SDK1: variants seen among roughly 807,000 people sequenced by gnomAD.
SDK1 encodes protein sidekick-1.
A neutral mutation model predicts 245.5 loss-of-function variants in SDK1; 157 were observed. The observed-to-expected ratio is 0.64, with a 90% confidence interval of 0.56 to 0.73. The LOEUF (loss-of-function observed/expected upper bound fraction) is 0.73. SDK1 is among the 30% of genes least tolerant of loss of function. SDK1 has a pLI of 0.00. For synonymous variants in SDK1, 1,647 were observed against 1,278.5 expected (o/e 1.29, Z -6.15); for missense variants, 3,583 against 3,002.3 (o/e 1.19, Z -4.52).
chr7:3,483,508 G>T (rs1019620388), intron 1 of SDK1, among the ~76,000 whole-genome samples: 2 of 152,028 alleles, frequency 1.3e-5, no homozygotes, highest in African/African-American at 4.8e-5. Context: ...TTTGTAAATT[G>T]TGATAATCAT....
chr7:3,353,844 A>C (rs1454077224), intron 1 of SDK1, among the ~76,000 whole-genome samples: 2 of 152,034 alleles, frequency 1.3e-5, no homozygotes, highest in African/African-American at 4.8e-5. Flanking sequence ...CGTGTCCTGC[A>C]TGTCAGTTTC....
In SDK1 at chr7:3,408,566, ATTTGT is replaced by A. The variant is rs561621445; in HGVS notation, c.298+106689_298+106693del. ...AATATTTAATACATGTGAGTATCTCATTTGTTTTGTTATTCAAGGGGATTTTAGCT... is the reference window on the plus strand; with the variant it reads ...AATATTTAATACATGTGAGTATCTCATTTGTTATTCAAGGGGATTTTAGCT... On this transcript the variant is annotated intron_variant, in intron 1 of 44. Transcript: ENST00000404826. Among the ~76,000 whole-genome samples the A allele has an allele frequency of 1.8e-4, 28 of 152,202 alleles. 1 individual carries two copies. In the South Asian group the frequency reaches 5.2e-3, roughly 28 times the overall value.
intron 1 of SDK1, among the ~76,000 whole-genome samples, chr7:3,554,606 A>G (rs1165900176): frequency 6.6e-6 from 1 of 152,250 alleles, no homozygotes; most frequent in East Asian, 1.9e-4. Context: ...GAATCAGGTG[A>G]GCAATCACAG....
At chr7:3,744,398 G>T (rs1779558865) in intron 4 of SDK1, among the ~76,000 whole-genome samples, 1 of 152,082 alleles carries the variant, frequency 6.6e-6, no homozygotes, top group African/African-American at 2.4e-5. Flanking sequence ...TTTGGGCACA[G>T]ACTTCATCTG....
intron 1 of SDK1, among the ~76,000 whole-genome samples, chr7:3,592,692 C>T (rs1212007870): frequency 1.3e-5 from 2 of 152,126 alleles, no homozygotes; most frequent in African/African-American, 4.8e-5. Flanking sequence ...GCTGATGAAG[C>T]GTGGGGACTC....
At chr7:4,236,890 A>T (rs1289021190) in intron 41 of SDK1, among the ~76,000 whole-genome samples, 1 of 152,110 alleles carries the variant, frequency 6.6e-6, no homozygotes, top group Admixed American at 6.5e-5. Flanking sequence ...TTTAACCCAC[A>T]CAACGTTTTT....
chr7:3,982,852 A>G (rs990666301), intron 13 of SDK1, among the ~76,000 whole-genome samples: 2 of 152,154 alleles, frequency 1.3e-5, no homozygotes, highest in African/African-American at 4.8e-5. Flanking sequence ...AAAAAAAAAA[A>G]AGAATGTTTG....
intron 1 of SDK1, among the ~76,000 whole-genome samples, chr7:3,518,819 C>G (rs1782834458): frequency 6.6e-6 from 1 of 152,116 alleles, no homozygotes; most frequent in South Asian, 2.1e-4. Context: ...GAAAGGAAAT[C>G]AGTTTATCAA....
At chr7:4,106,992 A>G in intron 22 of SDK1, among the ~76,000 whole-genome samples, 1 of 151,912 alleles carries the variant, frequency 6.6e-6, no homozygotes, top group Non-Finnish European at 1.5e-5. Flanking sequence ...GACTGAATCC[A>G]TACATGCCGA....
chr7:3,855,583 A>G (rs749439478), intron 5 of SDK1, among the ~76,000 whole-genome samples: 6 of 148,114 alleles, frequency 4.1e-5, no homozygotes, highest in Admixed American at 1.3e-4. Flanking sequence ...GTTAATGGAC[A>G]TAGAAGATAG....
At chr7:3,977,712 G>A (rs528253576) in intron 13 of SDK1, among the ~76,000 whole-genome samples, 2 of 152,358 alleles carry the variant, frequency 1.3e-5, no homozygotes, top group East Asian at 3.9e-4. Context: ...CACTGATCAC[G>A]CTGCAGAGGA....
At chr7:3,564,744 C>T (rs998813371) in intron 1 of SDK1, among the ~76,000 whole-genome samples, 1 of 151,938 alleles carries the variant, frequency 6.6e-6, no homozygotes, top group Non-Finnish European at 1.5e-5. Flanking sequence ...CAGAAAGCAC[C>T]TGAGAGAATT....
rs1272231428 is a variant in SDK1 at position 3,615,094 on chromosome 7, T to C, written c.299-3986T>C. Among the ~76,000 whole-genome samples, 4 of 151,732 alleles carry C rather than the reference T, an allele frequency of 2.6e-5. No homozygotes were observed. In the East Asian group the frequency reaches 7.7e-4, roughly 29 times the overall value. ...CAATAGCAAAACCAAATTCAGATTT[T>C]TGAGTTTCTATCTCGAAGCTTTTCC... On this transcript the variant is annotated intron_variant, in intron 1 of 44. Transcript: ENST00000404826.
intron 22 of SDK1, among the ~76,000 whole-genome samples, chr7:4,107,513 C>T (rs989096808): frequency 1.5e-4 from 22 of 149,880 alleles, no homozygotes; most frequent in African/African-American, 4.5e-4. Flanking sequence ...ACAAACAAAA[C>T]GTATTCTCCA....
chr7:3,789,867 C>G (rs913716486), intron 4 of SDK1, among the ~76,000 whole-genome samples: 1 of 151,392 alleles, frequency 6.6e-6, no homozygotes, highest in Non-Finnish European at 1.5e-5. Flanking sequence ...GCCTGCAGAT[C>G]AGTTTACCCG....
intron 4 of SDK1, among the ~76,000 whole-genome samples, chr7:3,666,784 T>A (rs1382333651): frequency 6.6e-6 from 1 of 152,224 alleles, no homozygotes; most frequent in Non-Finnish European, 1.5e-5. Flanking sequence ...CATCCTTTAA[T>A]GATGTCAGTG....
chr7:4,109,245 G>A (rs964810561), intron 22 of SDK1, among the ~76,000 whole-genome samples: 3 of 152,212 alleles, frequency 2.0e-5, no homozygotes, highest in Admixed American at 6.5e-5. Flanking sequence ...CACTGACCAT[G>A]TGGATGTTTT....
chr7:3,907,006 T>A (rs567557568), intron 5 of SDK1, among the ~76,000 whole-genome samples: 42 of 152,316 alleles, frequency 2.8e-4, no homozygotes, highest in African/African-American at 9.6e-4. Flanking sequence ...CATTTAAAAT[T>A]TCCTTCTTAT....
At chr7:3,432,152 A>G (rs75734645) in intron 1 of SDK1, among the ~76,000 whole-genome samples, 22,028 of 148,014 alleles carry the variant, frequency 0.15, 2,185 homozygotes, top group Middle Eastern at 0.24. Context: ...ATATTTAAAA[A>G]ATATATATTT....
Sources: gnomAD v4.1 joint callset for allele counts (sites outside exome capture counted in the v4.1 genomes callset) on GRCh38, gnomAD v4.1.1 for gene constraint, MANE v1.5 for transcripts, NCBI Gene and HGNC (gene_info 2026-07-23, HGNC 2026-07-21) for gene names.